Variants in NFIB observed in about 807,000 individuals in gnomAD.
NFIB encodes the protein nuclear factor 1 B-type.
A neutral mutation model predicts 61.5 loss-of-function variants in NFIB; 11 were observed. The observed-to-expected ratio is 0.18, with a 90% CI of 0.11 to 0.30. The LOEUF (loss-of-function observed/expected upper bound fraction) is 0.30. Among genes scored for constraint, NFIB ranks in the 10% least tolerant of loss-of-function variants. The probability of loss-of-function intolerance (pLI) is 1.00; values close to 1 mark genes in which losing one functional copy is unlikely to be tolerated. For synonymous variants in NFIB, 260 were observed against 216.5 expected, an observed-to-expected ratio of 1.20 and a Z score of -1.76; for missense variants, 471 against 608.9, an observed-to-expected ratio of 0.77 and a Z score of 2.38.
intron 3 of NFIB, among the ~76,000 whole-genome samples, chr9:14,173,226 C>T (rs2045767148): frequency 6.6e-6 from 1 of 152,114 alleles, no homozygotes; most frequent in African/African-American, 2.4e-5. Flanking sequence ...ATTGACTGCA[C>T]AAAGCGGTTG....
chr9:14,103,200 A>C (rs143914025), intron 10 of NFIB, among the ~76,000 whole-genome samples: 131 of 152,326 alleles, frequency 8.6e-4, no homozygotes, highest in African/African-American at 3.1e-3. Flanking sequence ...CAGATCTCCG[A>C]ATCATCAGCT....
chr9:14,345,249 T>C (rs989356498), intron 1 of NFIB, among the ~76,000 whole-genome samples: 3 of 152,198 alleles, frequency 2.0e-5, no homozygotes, highest in Admixed American at 6.5e-5. Context: ...CGGAGACTCC[T>C]AGCTTCCTCC....
chr9:14,479,633 T>A, the NFIB span, among the ~76,000 whole-genome samples: 1 of 152,192 alleles, frequency 6.6e-6, no homozygotes, highest in South Asian at 2.1e-4. Context: ...TGCCCCTCAC[T>A]CATGTTTTGT....
At chr9:14,489,775 T>C in the NFIB span, among the ~76,000 whole-genome samples, 171 of 152,102 alleles carry the variant, frequency 1.1e-3, no homozygotes, top group African/African-American at 3.9e-3. Context: ...TTCATATCTA[T>C]ACACATATAT....
chr9:14,219,933 G>A (rs2051432885), intron 2 of NFIB, among the ~76,000 whole-genome samples: 1 of 152,088 alleles, frequency 6.6e-6, no homozygotes, highest in Non-Finnish European at 1.5e-5. Flanking sequence ...TCCATCCCTG[G>A]GAAAATGAAG....
At chr9:14,164,163 G>A (rs2044511249) in intron 3 of NFIB, among the ~76,000 whole-genome samples, 1 of 151,636 alleles carries the variant, frequency 6.6e-6, no homozygotes, top group Admixed American at 6.6e-5. Context: ...TCTCTAAAAA[G>A]ACCAACAAGA....
At chr9:14,241,901 A>T (rs927799306) in intron 2 of NFIB, among the ~76,000 whole-genome samples, 72 of 152,260 alleles carry the variant, frequency 4.7e-4, no homozygotes, top group African/African-American at 1.7e-3. Context: ...TTGACTCATG[A>T]CTCTAGATTC....
chr9:14,230,508 C>G (rs944313586), intron 2 of NFIB, among the ~76,000 whole-genome samples: 2 of 152,130 alleles, frequency 1.3e-5, no homozygotes, highest in African/African-American at 2.4e-5. Context: ...CCCATGAGAG[C>G]AGAGATATAG....
At chr9:14,490,010 G>A in the NFIB span, among the ~76,000 whole-genome samples, 1 of 152,034 alleles carries the variant, frequency 6.6e-6, no homozygotes, top group African/African-American at 2.4e-5. Flanking sequence ...ATAAGCCTCT[G>A]GGCGTATTTG....
intron 2 of NFIB, among the ~76,000 whole-genome samples, chr9:14,269,528 T>C (rs896327173): frequency 2.6e-5 from 4 of 152,194 alleles, no homozygotes; most frequent in African/African-American, 7.2e-5. Flanking sequence ...TGTCAGGCTA[T>C]TGAGCGATAA....
At chr9:14,140,660 G>A (rs1171700038) in intron 6 of NFIB, among the ~76,000 whole-genome samples, 1 of 152,192 alleles carries the variant, frequency 6.6e-6, no homozygotes, top group Non-Finnish European at 1.5e-5. Context: ...GGAGCCTGGT[G>A]TGGTGCCTCA....
intron 2 of NFIB, among the ~76,000 whole-genome samples, chr9:14,246,078 G>C (rs2054891654): frequency 6.6e-6 from 1 of 151,254 alleles, no homozygotes; most frequent in African/African-American, 2.4e-5. Context: ...TAATTCCTGA[G>C]AATTAGAGAG....
At chr9:14,531,663 G>A in the NFIB span, among the ~76,000 whole-genome samples, 30 of 147,962 alleles carry the variant, frequency 2.0e-4, no homozygotes, top group East Asian at 4.0e-4. Flanking sequence ...GCCTGGGACC[G>A]ACTGTACCAT....
intron 1 of NFIB, among the ~76,000 whole-genome samples, chr9:14,320,636 GA>G (rs1222876722): frequency 2.0e-5 from 3 of 152,100 alleles, no homozygotes; most frequent in Admixed American, 2.0e-4. Context: ...AAATACACTG[GA>G]AAGTCACACT....
At chr9:14,170,099 G>A (rs1430208450) in intron 3 of NFIB, among the ~76,000 whole-genome samples, 1 of 152,128 alleles carries the variant, frequency 6.6e-6, no homozygotes, top group Non-Finnish European at 1.5e-5. Context: ...ATATACAAGT[G>A]AGAGTTGCCT....
chr9:14,316,355 A>T (rs1057060611), upstream of NFIB, among the ~76,000 whole-genome samples: 4 of 152,138 alleles, frequency 2.6e-5, no homozygotes, highest in African/African-American at 7.2e-5. Context: ...GGGGGTGGGG[A>T]GTTCGGGAGG....
the NFIB span, among the ~76,000 whole-genome samples, chr9:14,515,443 C>G: frequency 2.0e-5 from 3 of 152,164 alleles, no homozygotes; most frequent in Admixed American, 1.3e-4. Flanking sequence ...CATTAATCAA[C>G]TTTTCCACTA....
chr9:14,527,645 A>T, the NFIB span, among the ~76,000 whole-genome samples: 4 of 152,324 alleles, frequency 2.6e-5, no homozygotes, highest in Admixed American at 2.6e-4. Flanking sequence ...AGAGCCTGGC[A>T]TATAGTATGT....
chr9:14,369,159 T>C (rs1317611748), intron 1 of NFIB, among the ~76,000 whole-genome samples: 1 of 152,122 alleles, frequency 6.6e-6, no homozygotes, highest in Non-Finnish European at 1.5e-5. Flanking sequence ...CTAAGCGAGG[T>C]TAAACAGTAA....
Sources: allele counts gnomAD v4.1 joint callset (sites outside exome capture counted in the v4.1 genomes callset), GRCh38; gene constraint gnomAD v4.1.1; transcripts MANE v1.5; gene names NCBI Gene and HGNC (gene_info 2026-07-23, HGNC 2026-07-21).